TWF2: variants seen among roughly 807,000 people sequenced by gnomAD.
TWF2 encodes the protein twinfilin-2.
TWF2 carries 15 observed loss-of-function variants against 45.1 expected under a neutral mutation model. That is an observed-to-expected ratio of 0.33 (90% CI 0.22 to 0.51). The LOEUF is 0.51. Ranked by LOEUF, TWF2 falls within the 20% of genes least tolerant of loss-of-function variation. The probability of loss-of-function intolerance (pLI) is 0.97; values close to 1 mark genes in which losing one functional copy is unlikely to be tolerated. For synonymous variants in TWF2, 177 were observed against 195.8 expected, an observed-to-expected ratio of 0.90 and a Z score of 0.80; for missense variants, 423 against 469.1, an observed-to-expected ratio of 0.90 and a Z score of 0.91.
In TWF2 at chr3:52,231,229, A is replaced by G. The variant is rs758255337; in HGVS notation, c.381T>C (p.Asp127=). The change falls in exon 5 of 9, where the codon GAT becomes GAC. Residue 127 remains aspartate (D), a splice_region_variant and synonymous_variant. Coordinates refer to ENST00000305533, the MANE Select transcript of TWF2 (RefSeq NM_007284.4). The stretch of plus-strand genomic sequence containing the variant: ...TCTGGTACCCAGCAAAAGAGAGGTC[A>G]TCCTGCAGGGGTGGGGGTGAATGCA... ...IKDELFGTVK[D]DLSFAGYQKH... 2 of 1,614,018 alleles carry G rather than the reference A, an allele frequency of 1.2e-6. No homozygotes were observed. The highest frequency in any genetic ancestry group is 1.7e-6 in the Non-Finnish European group (2 of 1,179,936).
Position 52,238,972 on chromosome 3 carries a change from C to T in TWF2, c.25+20G>A. ...AGAGCCCAGACCGAGGCCCCCTGCC[C>T]GCCCGCCATCCGCCCTCACCGTGGA... On this transcript the variant is annotated intron_variant, in intron 1 of 8. Coordinates refer to ENST00000305533, the MANE Select transcript of TWF2 (RefSeq NM_007284.4). The T allele has an allele frequency of 6.3e-7, 1 of 1,590,906 alleles. No homozygotes were observed. Among genetic ancestry groups the T allele is most frequent in the Middle Eastern group, 2.0e-4 (1 of 4,984 alleles).
At chr3:52,234,964 C>T in intron 2 of TWF2, 65 bp downstream of exon 2, 3 of 1,576,794 alleles carry the variant, frequency 1.9e-6, no homozygotes, top group Non-Finnish European at 2.6e-6. Flanking sequence ...ATCCTCCTTC[C>T]CCCACCCACA....
In TWF2 at chr3:52,231,631, A is replaced by G. The variant is rs140845750; in HGVS notation, c.283-92T>C. The G allele has an allele frequency of 2.1e-4, 288 of 1,393,828 alleles. No individual in the cohort carries two copies. In the African/African-American group the frequency reaches 3.4e-3, roughly 17 times the overall value. 86.3% of individuals were successfully genotyped at this position (1,393,828 alleles called of 1,614,324 possible). On this transcript the variant is annotated intron_variant, in intron 3 of 8. Coordinates refer to ENST00000305533, the MANE Select transcript of TWF2 (RefSeq NM_007284.4). ...GCCTCTGGAGGAACTCGGTGGGCTC[A>G]CTGCGCTGGCACACCTGGCAGAGGG... is the stretch of plus-strand genomic sequence containing the variant.
chr3:52,233,609 C>T (rs957870461), intron 2 of TWF2, among the ~76,000 whole-genome samples: 8 of 152,290 alleles, frequency 5.3e-5, no homozygotes, highest in African/African-American at 1.9e-4. Context: ...AGATAAAAGT[C>T]AATCCAGAGA....
At chr3:52,236,588 G>T (rs1699728194) in intron 1 of TWF2, among the ~76,000 whole-genome samples, 1 of 152,196 alleles carries the variant, frequency 6.6e-6, no homozygotes, top group African/African-American at 2.4e-5. Flanking sequence ...TGAGGTCAGA[G>T]AATATTTATA....
At chr3:52,231,822 A>G in intron 3 of TWF2, 122 bp downstream of exon 3, 2 of 1,408,660 alleles carry the variant, frequency 1.4e-6, no homozygotes, top group Middle Eastern at 3.8e-4. Context: ...GCACGGCCTG[A>G]CAGCTCTTCC....
In TWF2 at chr3:52,230,951, C is replaced by G. The variant is rs753746677; in HGVS notation, c.528G>C (p.Gln176His). 1.2e-6 allele frequency: 2 copies of G among 1,603,884 alleles called. No homozygotes were observed. Among genetic ancestry groups the G allele is most frequent in the South Asian group, 2.2e-5 (2 of 90,038 alleles). The change falls in exon 6 of 9, where the codon CAG becomes CAC. Residue 176 changes from glutamine to histidine, a missense_variant. Coordinates refer to ENST00000305533, the MANE Select transcript of TWF2 (RefSeq NM_007284.4). ...ISVESKHQTL[Q>H]GLAFPLQPEA... is the part of the protein sequence containing the mutation. ...CAGGCTGCAGGGGGAAGGCGAGGCCCTGCAGGGTCTGGTGCTTGCTTTCCA... is the reference window on the plus strand; with the variant it reads ...CAGGCTGCAGGGGGAAGGCGAGGCCGTGCAGGGTCTGGTGCTTGCTTTCCA...
rs774391804 is a variant in TWF2, at chr3:52,235,054, C to T, written c.78G>A (p.Arg26=). The T allele has an allele frequency of 1.9e-6, 3 of 1,613,920 alleles. No individual in the cohort carries two copies. The highest frequency in any genetic ancestry group is 1.1e-5 in the South Asian group (1 of 91,086). ...FFAKARAGSV[R]LIKVVIEDEQ... ...CGTCCTCAATCACAACCTTGATGAG[C>T]CGCACAGAGCCAGCCCGTGCCTTGG... Residue 26 remains arginine (R), a synonymous_variant, in exon 2 of 9, where the codon CGG becomes CGA. Coordinates refer to ENST00000305533, the MANE Select transcript of TWF2 (RefSeq NM_007284.4).
At chr3:52,237,529 C>T (rs1413821299) in intron 1 of TWF2, among the ~76,000 whole-genome samples, 1 of 152,128 alleles carries the variant, frequency 6.6e-6, no homozygotes, top group East Asian at 1.9e-4. Flanking sequence ...GTGGGCCTGT[C>T]TCACTATGGG....
At chr3:52,229,295 A>C in intron 8 of TWF2, 94 bp from the exon 9 acceptor site, 25 of 1,504,496 alleles carry the variant, frequency 1.7e-5, no homozygotes, top group East Asian at 2.3e-5. Flanking sequence ...CCTTACTCTC[A>C]CATCCTAGCC....
chr3:52,231,663 C>T (rs868710521), intron 3 of TWF2, 124 bp from the exon 4 acceptor site: 10 of 1,168,264 alleles, frequency 8.6e-6, no homozygotes, highest in South Asian at 5.9e-5. Context: ...AGGGCCAGCC[C>T]GGGGCCAGGA....
At chr3:52,238,955 G>T in intron 1 of TWF2, 37 bp downstream of exon 1, 2 of 1,582,924 alleles carry the variant, frequency 1.3e-6, no homozygotes, top group Non-Finnish European at 1.7e-6. Flanking sequence ...CGAGAGCCCA[G>T]ACCGAGGCCC....
At chr3:52,234,489 C>G (rs1366315992) in intron 2 of TWF2, among the ~76,000 whole-genome samples, 1 of 152,220 alleles carries the variant, frequency 6.6e-6, no homozygotes, top group Non-Finnish European at 1.5e-5. Flanking sequence ...TCCTCAGGGG[C>G]AAGGCCAAAG....
chr3:52,229,849 G>GCCTGCCCCACTGCAGACCAGC, intron 7 of TWF2, 67 bp from the exon 8 acceptor site: 1 of 1,595,802 alleles, frequency 6.3e-7, no homozygotes, highest in Non-Finnish European at 8.6e-7. Context: ...CCCAGAGCAG[G>GCCTGCCCCACTGCAGACCAGC]CCTGCCCCAC....
chr3:52,229,089 T>C lies in TWF2; in HGVS notation c.995A>G (p.Lys332Arg). The C allele has an allele frequency of 6.2e-7, 1 of 1,613,242 alleles. No homozygotes were observed. The highest frequency in any genetic ancestry group is 8.5e-7 in the Non-Finnish European group (1 of 1,180,020). The change falls in exon 9 of 9, where the codon AAG (lysine) becomes AGG (arginine). Residue 332 changes from lysine (K) to arginine (R), a missense_variant. Coordinates refer to ENST00000305533, the MANE Select transcript of TWF2 (RefSeq NM_007284.4). ...AFAKPKGPGG[K>R]RGHKRLIRGP... ...GCGGATGAGGCGCTTATGGCCCCGCTTGCCCCCTGGGCCCTTGGGCTTGGC... is the reference window on the plus strand; with the variant it reads ...GCGGATGAGGCGCTTATGGCCCCGCCTGCCCCCTGGGCCCTTGGGCTTGGC...
rs1367154586 is a variant in TWF2 at position 52,229,112 on chromosome 3, G to T, written c.972C>A (p.Ala324=). The change falls in exon 9 of 9, where the codon GCC becomes GCA. Residue 324 remains alanine (A), a synonymous_variant. Transcript: ENST00000305533. The part of the protein sequence containing the change: ...PKQHAFKQAF[A]KPKGPGGKRG... ...GCTTGCCCCCTGGGCCCTTGGGCTT[G>T]GCGAAGGCCTGCTTGAAGGCGTGTT... 6.2e-7 allele frequency: 1 copy of T among 1,613,650 alleles called. No homozygotes were observed. The highest frequency in any genetic ancestry group is 1.7e-5 in the Admixed American group (1 of 60,028).
intron 2 of TWF2, 198 bp from the exon 3 acceptor site, chr3:52,232,320 G>C (rs188903462): frequency 3.0e-6 from 2 of 667,804 alleles, no homozygotes; most frequent in African/African-American, 3.6e-5. Context: ...GCTGCCACCT[G>C]GGGGCTGCCC....
chr3:52,230,202 C>A lies in TWF2; in HGVS notation c.610-132G>T, dbSNP rs553360547. 8.1e-5 allele frequency: 99 copies of A among 1,226,202 alleles called. No individual in the cohort carries two copies. The East Asian group carries it at 2.4e-3, about 30-fold the overall frequency. 76.0% of individuals were successfully genotyped at this position (1,226,202 alleles called of 1,614,324 possible). A position where few individuals can be genotyped will look rare whatever the true frequency, so the allele number is the denominator to read the frequency against. On this transcript the variant is annotated intron_variant, in intron 6 of 8. Transcript: ENST00000305533. ...GTGACCTCCCTCTCCCAAGACTCCC[C>A]TGCAATGGCCATCCCTCTATGGGGG...
At chr3:52,238,934 G>GGA in intron 1 of TWF2, 58 bp downstream of exon 1, 2 of 1,565,038 alleles carry the variant, frequency 1.3e-6, no homozygotes, top group Non-Finnish European at 1.7e-6. Context: ...AGAGCCGGGG[G>GGA]GGGGCGCTTC....
Sources: gnomAD v4.1 joint callset for allele counts (sites outside exome capture counted in the v4.1 genomes callset) on GRCh38, gnomAD v4.1.1 for gene constraint, MANE v1.5 for transcripts, NCBI Gene and HGNC (gene_info 2026-07-23, HGNC 2026-07-21) for gene names.